The following SLC9A9 variants were observed in gnomAD, a reference collection of about 807,000 sequenced individuals.
The protein encoded by SLC9A9 is sodium/hydrogen exchanger 9.
SLC9A9 carries 62 observed loss-of-function variants against 77.8 expected under a neutral mutation model. The observed-to-expected ratio is 0.80, with a 90% confidence interval of 0.65 to 0.98. The LOEUF is 0.98. SLC9A9 is among the 50% of genes least tolerant of loss of function. The pLI, the probability that SLC9A9 is intolerant of heterozygous loss-of-function variation, is 0.00. For missense variants in SLC9A9, 775 were observed against 774.9 expected, an observed-to-expected ratio of 1.00 and a Z score of 0.00; for synonymous variants, 320 against 283.5, an observed-to-expected ratio of 1.13 and a Z score of -1.29.
At chr3:143,836,970 A>G (rs2009583997) in intron 1 of SLC9A9, among the ~76,000 whole-genome samples, 2 of 152,190 alleles carry the variant, frequency 1.3e-5, no homozygotes, top group Admixed American at 1.3e-4. Flanking sequence ...TGAAGTCTGC[A>G]TTTCATAACC....
intron 5 of SLC9A9, among the ~76,000 whole-genome samples, chr3:143,654,644 AT>A (rs776587641): frequency 8.6e-5 from 13 of 151,596 alleles, no homozygotes; most frequent in East Asian, 1.9e-4. Context: ...TAAAAGTAAC[AT>A]TTTTTTTTAA....
chr3:143,543,225 T>C (rs2036716105), intron 9 of SLC9A9, among the ~76,000 whole-genome samples: 1 of 152,236 alleles, frequency 6.6e-6, no homozygotes, highest in Admixed American at 6.5e-5. Context: ...AATGTTCATC[T>C]GGACTTACCT....
rs111336186 is a variant in SLC9A9 at position 143,340,011 on chromosome 3, C to G, written c.1604+23473G>C. Among the ~76,000 whole-genome samples the G allele has an allele frequency of 4.6e-5, 7 of 152,284 alleles. 1 individual carries two copies. Among genetic ancestry groups the G allele is most frequent in the African/African-American group, 1.7e-4 (7 of 41,558 alleles). ...AGAAATCTCAAAAGCACTGAGAACA[C>G]AACACGAGAACTTTTTGCATCGTGA... On this transcript the variant is annotated intron_variant, in intron 14 of 15. Transcript: ENST00000316549.
intron 12 of SLC9A9, among the ~76,000 whole-genome samples, chr3:143,411,669 T>C (rs2034098469): frequency 6.6e-6 from 1 of 152,218 alleles, no homozygotes; most frequent in African/African-American, 2.4e-5. Flanking sequence ...CTTTTATTAA[T>C]GTCTTCTCTC....
At chr3:143,568,168 G>C (rs537257793) in intron 8 of SLC9A9, among the ~76,000 whole-genome samples, 22 of 152,110 alleles carry the variant, frequency 1.4e-4, no homozygotes, top group African/African-American at 5.3e-4. Flanking sequence ...ATAAATAGAG[G>C]GTCTCAATAG....
intron 12 of SLC9A9, among the ~76,000 whole-genome samples, chr3:143,465,600 T>A (rs1009156483): frequency 1.3e-5 from 2 of 152,260 alleles, no homozygotes; most frequent in African/African-American, 4.8e-5. Context: ...TTGCATTTTG[T>A]GGGGACCAGC....
chr3:143,428,170 T>C (rs1046995173), intron 12 of SLC9A9, among the ~76,000 whole-genome samples: 2 of 152,068 alleles, frequency 1.3e-5, no homozygotes, highest in Non-Finnish European at 2.9e-5. Context: ...ATTTGCAAAC[T>C]ATACATCTGA....
intron 9 of SLC9A9, among the ~76,000 whole-genome samples, chr3:143,511,682 T>A (rs75628330): frequency 0.022 from 3,405 of 152,298 alleles, 52 homozygotes; most frequent in Non-Finnish European, 0.035. Flanking sequence ...CAGGCATAAC[T>A]GGGGGTATGA....
chr3:143,765,027 TTC>T (rs772974237), intron 4 of SLC9A9, among the ~76,000 whole-genome samples: 2 of 149,904 alleles, frequency 1.3e-5, no homozygotes, highest in Admixed American at 1.3e-4. Context: ...TTCTCTTTCT[TTC>T]TCTCTTTCTC....
intron 4 of SLC9A9, among the ~76,000 whole-genome samples, chr3:143,715,153 G>T (rs1237247092): frequency 1.3e-5 from 2 of 151,928 alleles, no homozygotes; most frequent in Non-Finnish European, 2.9e-5. Context: ...TCTTGGCTAA[G>T]TCTTTATCAG....
At chr3:143,648,355 G>T (rs1296315647) in intron 6 of SLC9A9, among the ~76,000 whole-genome samples, 1 of 152,138 alleles carries the variant, frequency 6.6e-6, no homozygotes, top group Non-Finnish European at 1.5e-5. Context: ...CATTCCTCAG[G>T]CATTAGACGC....
intron 11 of SLC9A9, among the ~76,000 whole-genome samples, chr3:143,476,356 T>G (rs904463395): frequency 6.6e-6 from 1 of 152,220 alleles, no homozygotes; most frequent in Non-Finnish European, 1.5e-5. Flanking sequence ...TCATTTAAAC[T>G]TAAGGCTACT....
intron 5 of SLC9A9, among the ~76,000 whole-genome samples, chr3:143,679,338 C>T (rs2108771902): frequency 6.6e-6 from 1 of 151,768 alleles, no homozygotes; most frequent in Admixed American, 6.6e-5. Context: ...ACTGAGCAGC[C>T]TTAGGCATTC....
At chr3:143,377,231 G>T (rs927048319) in intron 13 of SLC9A9, among the ~76,000 whole-genome samples, 2 of 152,148 alleles carry the variant, frequency 1.3e-5, no homozygotes, top group African/African-American at 4.8e-5. Context: ...TTGTGCAAAA[G>T]AACAAATACT....
chr3:143,577,890 C>T (rs182166725), intron 7 of SLC9A9, among the ~76,000 whole-genome samples: 1 of 152,272 alleles, frequency 6.6e-6, no homozygotes, highest in East Asian at 1.9e-4. Context: ...TCTGGCCTTC[C>T]TCCTCTACTC....
chr3:143,439,185 T>C (rs1302532394), intron 12 of SLC9A9, among the ~76,000 whole-genome samples: 2 of 152,212 alleles, frequency 1.3e-5, no homozygotes, highest in African/African-American at 4.8e-5. Context: ...CTGGGTTAAC[T>C]CTGTTAATCC....
chr3:143,834,723 C>G (rs1017112526), intron 1 of SLC9A9, among the ~76,000 whole-genome samples: 1 of 152,022 alleles, frequency 6.6e-6, no homozygotes, highest in Non-Finnish European at 1.5e-5. Flanking sequence ...CATACAAGAC[C>G]TCCAAACCTA....
At chr3:143,671,027 G>T (rs556728422) in intron 5 of SLC9A9, among the ~76,000 whole-genome samples, 4 of 152,260 alleles carry the variant, frequency 2.6e-5, no homozygotes, top group South Asian at 4.1e-4. Flanking sequence ...TCCCATCTCT[G>T]CCACTTACGA....
chr3:143,344,152 C>A (rs548124698), intron 14 of SLC9A9, among the ~76,000 whole-genome samples: 2 of 152,118 alleles, frequency 1.3e-5, no homozygotes, highest in Non-Finnish European at 2.9e-5. Flanking sequence ...TATTAACTGA[C>A]AAAGGTTACT....
Sources: gnomAD v4.1 joint callset for allele counts (sites outside exome capture counted in the v4.1 genomes callset) on GRCh38, gnomAD v4.1.1 for gene constraint, MANE v1.5 for transcripts, NCBI Gene and HGNC (gene_info 2026-07-23, HGNC 2026-07-21) for gene names.